The following COL6A2 variants were observed in gnomAD, a reference collection of about 807,000 sequenced individuals.
The protein encoded by COL6A2 is collagen type VI alpha 2 chain, also known as collagen alpha-2(VI) chain.
In COL6A2, 90 loss-of-function variants were observed where a neutral mutation model predicts 124.9. The ratio of observed to expected loss-of-function variants is 0.72; its 90% CI spans 0.61 to 0.86. The LOEUF is 0.86. COL6A2 is among the 40% of genes least tolerant of loss of function. The pLI is 0.00. For synonymous variants in COL6A2, 793 were observed against 618.2 expected (o/e 1.28, Z -4.19); for missense variants, 1,607 against 1,502.5 (o/e 1.07, Z -1.15).
intron 24 of COL6A2, 38 bp downstream of exon 24, chr21:46,125,349 C>T (rs764817863): frequency 2.5e-6 from 4 of 1,605,926 alleles, no homozygotes; most frequent in South Asian, 2.2e-5. Context: ...GGCCCATGCA[C>T]CGGGTGGAGG....
chr21:46,125,879 G>A lies in COL6A2; in HGVS notation c.2064G>A (p.Lys688=). The change falls in exon 26 of 28, where the codon AAG becomes AAA. Residue 688 remains lysine (K), a synonymous_variant. Transcript: ENST00000300527. ...DERIDSLSSF[K]EAVKNLEWIA... Reference sequence around the variant, plus strand: ...GTATCGACTCCCTGTCGAGCTTCAAGGAGGCTGTCAAGAACCTCGAGTGGA... The same window carrying A: ...GTATCGACTCCCTGTCGAGCTTCAAAGAGGCTGTCAAGAACCTCGAGTGGA... The A allele has an allele frequency of 6.2e-7, 1 of 1,613,154 alleles. No individual in the cohort carries two copies. The highest frequency in any genetic ancestry group is 8.5e-7 in the Non-Finnish European group (1 of 1,179,982).
At chr21:46,127,382 C>G (rs1325000087) in intron 27 of COL6A2, among the ~76,000 whole-genome samples, 1 of 152,118 alleles carries the variant, frequency 6.6e-6, no homozygotes, top group East Asian at 1.9e-4. Context: ...GGCCACTGAG[C>G]ACATTCACAG....
At chr21:46,129,892 C>A in intron 27 of COL6A2, 3 of 999,550 alleles carry the variant, frequency 3.0e-6, no homozygotes, top group Non-Finnish European at 3.6e-6. Context: ...CCTTACTTAG[C>A]GGCCCAGCTG....
chr21:46,117,339 G>C, intron 10 of COL6A2, 61 bp from the exon 11 acceptor site: 1 of 1,540,550 alleles, frequency 6.5e-7, no homozygotes, highest in African/African-American at 1.4e-5. Flanking sequence ...TGTCTTGGTC[G>C]TTGGCACACA....
chr21:46,110,131 G>A (rs1347474805), intron 1 of COL6A2, among the ~76,000 whole-genome samples: 5 of 152,264 alleles, frequency 3.3e-5, no homozygotes, highest in South Asian at 2.1e-4. Context: ...CAACACCGCC[G>A]TGAGCTCCCC....
rs887625863 is a variant in COL6A2, at chr21:46,117,863, T to C, written c.1054-11T>C. 1.2e-6 allele frequency: 2 copies of C among 1,608,740 alleles called. No individual in the cohort carries two copies. The highest frequency in any genetic ancestry group is 1.7e-6 in the Non-Finnish European group (2 of 1,178,574). On this transcript the variant is annotated splice_polypyrimidine_tract_variant and intron_variant, in intron 11 of 27. Coordinates refer to ENST00000300527, the MANE Select transcript of COL6A2 (RefSeq NM_001849.4). The stretch of plus-strand genomic sequence containing the variant: ...CCGTGTGCCGAGCTCCACCTCTCAC[T>C]CCTCTCTCAGGGCCCCGACGGTTAC...
At chr21:46,101,107 G>C (rs1389108028) in intron 1 of COL6A2, among the ~76,000 whole-genome samples, 7 of 152,152 alleles carry the variant, frequency 4.6e-5, no homozygotes, top group Non-Finnish European at 8.8e-5. Context: ...CCATCCTAAT[G>C]GGTGTGAGGT....
intron 13 of COL6A2, 127 bp from the exon 14 acceptor site, chr21:46,118,903 C>A (rs2078517731): frequency 1.1e-6 from 1 of 941,002 alleles, no homozygotes; most frequent in Admixed American, 2.0e-5. Flanking sequence ...CCCTGCAGGG[C>A]CCCCATGTGC....
chr21:46,120,640 A>C (rs1304681100), intron 16 of COL6A2, 63 bp downstream of exon 16: 1 of 1,393,176 alleles, frequency 7.2e-7, no homozygotes. Context: ...GGGGGGCTGC[A>C]CCCCAAGGTA....
chr21:46,128,758 G>A (rs931649446), intron 27 of COL6A2: 25 of 768,752 alleles, frequency 3.3e-5, no homozygotes, highest in Non-Finnish European at 4.9e-5. Flanking sequence ...TCTGGGTGTA[G>A]AGGACTCACA....
chr21:46,115,154 C>G (rs2123623688), intron 5 of COL6A2, among the ~76,000 whole-genome samples: 1 of 152,320 alleles, frequency 6.6e-6, no homozygotes, highest in East Asian at 1.9e-4. Flanking sequence ...GTGACCCGTT[C>G]TGTTGGGGGG....
At chr21:46,119,179 G>A in intron 14 of COL6A2, 60 bp downstream of exon 14, 4 of 1,322,968 alleles carry the variant, frequency 3.0e-6, no homozygotes, top group Non-Finnish European at 3.2e-6. Flanking sequence ...TGCAGCTTGA[G>A]GAGGACCATG....
chr21:46,113,292 G>A (rs1203810707), intron 4 of COL6A2, among the ~76,000 whole-genome samples: 1 of 152,162 alleles, frequency 6.6e-6, no homozygotes, highest in Admixed American at 6.5e-5. Context: ...TCGCTGCTCA[G>A]TAACAGTGGT....
chr21:46,116,923 G>GCACACA lies in COL6A2; in HGVS notation c.999+111_999+112insCACACA. The GCACACA allele has an allele frequency of 4.7e-6, 3 of 643,318 alleles. No homozygotes were observed. The highest frequency in any genetic ancestry group is 3.3e-5 in the Admixed American group (1 of 30,236). 39.9% of individuals were successfully genotyped at this position (643,318 alleles called of 1,614,324 possible). ...TGTCAGCTTACACATGTGTACACAC[G>GCACACA]CATACACACACACACACACACACAC... On this transcript the variant is annotated intron_variant, in intron 10 of 27. Coordinates refer to ENST00000300527, the MANE Select transcript of COL6A2 (RefSeq NM_001849.4). The surrounding 1 kb of genome is among the most constrained non-coding windows in gnomAD (Gnocchi z 4.6).
At chr21:46,108,720 C>T (rs1212102119) in intron 1 of COL6A2, among the ~76,000 whole-genome samples, 1 of 152,156 alleles carries the variant, frequency 6.6e-6, no homozygotes, top group African/African-American at 2.4e-5. Flanking sequence ...ACTTTAACTT[C>T]ATATTATAGT....
At position 46,116,772 on chromosome 21, in the gene COL6A2, G is replaced by C; in HGVS notation, c.957G>C (p.Gly319=). The change falls in exon 10 of 28, where the codon GGG becomes GGC. Residue 319 remains glycine (G), a splice_region_variant and synonymous_variant. Transcript: ENST00000300527. This position sits in a 1 kb window ranked among gnomAD's most constrained non-coding sequence, Gnocchi z 4.6. ...TTCCCTCTTCCTTCTCTCTTCAGGG[G>C]GCCCCTGGCCTGGCTGGCAAGAACG... ...KGEFGADGRK[G]APGLAGKNGT... 2 of 1,613,080 alleles carry C rather than the reference G, an allele frequency of 1.2e-6. No individual in the cohort carries two copies. The highest frequency in any genetic ancestry group is 2.2e-5 in the South Asian group (2 of 91,084).
intron 27 of COL6A2, chr21:46,129,054 C>G (rs940003888): frequency 1.9e-5 from 31 of 1,600,108 alleles, no homozygotes; most frequent in Non-Finnish European, 2.5e-5. Flanking sequence ...GCCACACACC[C>G]GCTCCACCTG....
At chr21:46,099,925 A>G (rs573672112) in intron 1 of COL6A2, among the ~76,000 whole-genome samples, 1 of 93,022 alleles carries the variant, frequency 1.1e-5, no homozygotes, top group Non-Finnish European at 2.4e-5. Flanking sequence ...CATTTCATAG[A>G]TAAGGAATGA....
At chr21:46,123,589 G>A (rs183168305) in intron 21 of COL6A2, among the ~76,000 whole-genome samples, 1 of 152,140 alleles carries the variant, frequency 6.6e-6, no homozygotes, top group African/African-American at 2.4e-5. Flanking sequence ...TAGAAGAGTG[G>A]GTGGATAGAA....
Sources: gnomAD v4.1 joint callset for allele counts (sites outside exome capture counted in the v4.1 genomes callset) on GRCh38, gnomAD v4.1.1 for gene constraint, Gnocchi (gnomAD v3.1) non-coding constraint, MANE v1.5 for transcripts, NCBI Gene and HGNC (gene_info 2026-07-23, HGNC 2026-07-21) for gene names.